Variants in CTNNA2 observed in about 807,000 individuals in gnomAD.
The protein encoded by CTNNA2 is catenin alpha 2, also known as catenin alpha-2.
A neutral mutation model predicts 101.0 loss-of-function variants in CTNNA2; 42 were observed. That is an observed-to-expected ratio of 0.42 (90% CI 0.32 to 0.54). The LOEUF is 0.54. Among genes scored for constraint, CTNNA2 ranks in the 20% least tolerant of loss-of-function variants. The pLI is 0.14. For missense variants in CTNNA2, 871 were observed against 1,223.1 expected (o/e 0.71, Z 4.29); for synonymous variants, 450 against 456.4 (o/e 0.99, Z 0.18).
intron 3 of CTNNA2, among the ~76,000 whole-genome samples, chr2:79,847,541 T>TTAAA (rs1574120227): frequency 2.3e-4 from 1 of 4,310 alleles, no homozygotes; most frequent in African/African-American, 3.6e-4. Flanking sequence ...AGACTCTGTC[T>TTAAA]CAAAAAAAAA....
intron 7 of CTNNA2, among the ~76,000 whole-genome samples, chr2:79,939,341 C>T (rs900106728): frequency 7.9e-5 from 12 of 152,096 alleles, no homozygotes; most frequent in African/African-American, 1.7e-4. Context: ...ATTTTCCATC[C>T]GTCTGTCCAT....
intron 7 of CTNNA2, among the ~76,000 whole-genome samples, chr2:80,365,806 G>A (rs1202914853): frequency 9.2e-5 from 14 of 152,140 alleles, no homozygotes; most frequent in Admixed American, 9.2e-4. Context: ...GACTGTGTTT[G>A]TAATGGCATT....
intron 4 of CTNNA2, among the ~76,000 whole-genome samples, chr2:79,416,864 A>G (rs888343874): frequency 2.0e-5 from 3 of 152,112 alleles, no homozygotes; most frequent in African/African-American, 7.2e-5. Context: ...ATTTCTTCTA[A>G]CACATAACTT....
intron 4 of CTNNA2, among the ~76,000 whole-genome samples, chr2:79,423,804 G>A (rs79137802): frequency 0.02 from 3,035 of 152,220 alleles, 111 homozygotes; most frequent in African/African-American, 0.068. Context: ...AAATCAACTT[G>A]GTTTAGAATT....
At chr2:79,197,650 G>A (rs1444382160) in intron 1 of CTNNA2, among the ~76,000 whole-genome samples, 1 of 152,158 alleles carries the variant, frequency 6.6e-6, no homozygotes, top group African/African-American at 2.4e-5. Context: ...TGAAATCCTT[G>A]AGAAATTTGA....
intron 9 of CTNNA2, among the ~76,000 whole-genome samples, chr2:80,434,461 TTGTC>T (rs945109325): frequency 6.6e-6 from 1 of 151,766 alleles, no homozygotes; most frequent in Non-Finnish European, 1.5e-5. Flanking sequence ...GTTGTCATTG[TTGTC>T]TGTCTTTCTT....
intron 9 of CTNNA2, among the ~76,000 whole-genome samples, chr2:80,427,237 G>A (rs963819017): frequency 1.3e-5 from 2 of 152,216 alleles, no homozygotes; most frequent in African/African-American, 4.8e-5. Context: ...GGTCACCTTG[G>A]AGATCAGCAG....
At chr2:79,508,998 TATATATATATATATAA>T (rs1336153305), upstream of CTNNA2, among the ~76,000 whole-genome samples, 696 of 63,450 alleles carry the variant, frequency 0.011, 29 homozygotes, top group Admixed American at 0.016. Context: ...TATATATATA[TATATATATATATATAA>T]ACAATTACCT....
intron 2 of CTNNA2, among the ~76,000 whole-genome samples, chr2:79,691,333 G>T (rs1474101944): frequency 1.3e-5 from 2 of 151,688 alleles, no homozygotes; most frequent in Non-Finnish European, 2.9e-5. Flanking sequence ...ACATTTCCTT[G>T]GGAGTTATAC....
At chr2:79,260,396 T>G (rs1674904987) in intron 2 of CTNNA2, among the ~76,000 whole-genome samples, 2 of 152,192 alleles carry the variant, frequency 1.3e-5, no homozygotes, top group Non-Finnish European at 2.9e-5. Context: ...CTCTGTTTGC[T>G]AGATATGTCT....
intron 9 of CTNNA2, among the ~76,000 whole-genome samples, chr2:80,458,247 T>TA (rs1172635916): frequency 2.0e-5 from 3 of 152,160 alleles, no homozygotes; most frequent in African/African-American, 7.2e-5. Flanking sequence ...AGGGACTATA[T>TA]AAAAAACTTG....
chr2:80,250,763 G>A (rs1446670447), intron 7 of CTNNA2, among the ~76,000 whole-genome samples: 1 of 152,062 alleles, frequency 6.6e-6, no homozygotes, highest in East Asian at 1.9e-4. Context: ...TCTAGTTCTG[G>A]CTCTAGCACT....
In CTNNA2 at chr2:80,639,531, G is replaced by A. The variant is rs1005205034; in HGVS notation, c.2575-8054G>A. ...AGCCTTGATGTGTGTGTGTGTGTGT[G>A]TGTGTGTGTCTGTGTTTTTAACAAT... On this transcript the variant is annotated intron_variant, in intron 18 of 18. Transcript: ENST00000402739. 3.2e-4 allele frequency among the ~76,000 whole-genome samples: 48 copies of A among 152,018 alleles called. No homozygotes were observed. In the East Asian group the frequency reaches 9.3e-3, roughly 29 times the overall value.
intron 7 of CTNNA2, among the ~76,000 whole-genome samples, chr2:79,927,702 T>A (rs1166472096): frequency 6.6e-6 from 1 of 152,160 alleles, no homozygotes; most frequent in Non-Finnish European, 1.5e-5. Flanking sequence ...ATATATTAGG[T>A]TTTGATCATA....
chr2:79,906,322 C>A (rs983062196), intron 6 of CTNNA2, among the ~76,000 whole-genome samples: 3 of 151,516 alleles, frequency 2.0e-5, no homozygotes, highest in Admixed American at 6.6e-5. Flanking sequence ...AGACACACAC[C>A]CACATGCAAT....
intron 3 of CTNNA2, among the ~76,000 whole-genome samples, chr2:79,353,688 TA>T (rs1415290353): frequency 6.6e-6 from 1 of 152,180 alleles, no homozygotes; most frequent in Non-Finnish European, 1.5e-5. Flanking sequence ...TATTGATACG[TA>T]AAATTTTGAT....
intron 4 of CTNNA2, among the ~76,000 whole-genome samples, chr2:79,437,213 A>G (rs981819537): frequency 8.2e-5 from 12 of 146,838 alleles, no homozygotes; most frequent in Non-Finnish European, 1.7e-4. Context: ...CAGCCTAGGC[A>G]ACAAGAGTGA....
intron 7 of CTNNA2, among the ~76,000 whole-genome samples, chr2:80,047,070 C>A (rs1295063933): frequency 3.9e-5 from 6 of 152,136 alleles, no homozygotes; most frequent in Non-Finnish European, 5.9e-5. Flanking sequence ...CAGATGTCCC[C>A]TGGGGTAAAA....
At chr2:79,514,533 C>G (rs1671704246) in intron 1 of CTNNA2, 1 of 152,218 alleles carries the variant, frequency 6.6e-6, no homozygotes, top group Non-Finnish European at 1.5e-5. Flanking sequence ...TTACCTTGCT[C>G]TCTTCAGCTT....
Sources: gnomAD v4.1 joint callset for allele counts (sites outside exome capture counted in the v4.1 genomes callset) on GRCh38, gnomAD v4.1.1 for gene constraint, MANE v1.5 for transcripts, NCBI Gene and HGNC (gene_info 2026-07-23, HGNC 2026-07-21) for gene names.